Variants in MAX observed in about 807,000 individuals in gnomAD.
MAX encodes the protein MYC associated transcriptional regulator X.
MAX carries 3 observed loss-of-function variants against 22.3 expected under a neutral mutation model. That is an observed-to-expected ratio of 0.13 (90% CI 0.06 to 0.35). The LOEUF (loss-of-function observed/expected upper bound fraction) is 0.35, where lower values mean the gene tolerates loss of function less well. Among genes scored for constraint, MAX ranks in the 10% least tolerant of loss-of-function variants. The pLI is 1.00. For synonymous variants in MAX, 72 were observed against 77.7 expected (o/e 0.93, Z 0.39); for missense variants, 119 against 209.4 (o/e 0.57, Z 2.66).
At chr14:65,102,195 G>C (rs1047636053) in intron 1 of MAX, 109 bp downstream of exon 1, 12 of 1,558,352 alleles carry the variant, frequency 7.7e-6, no homozygotes, top group Non-Finnish European at 7.8e-6. Context: ...AGGGGAAGGG[G>C]AAGGAGGCGG....
chr14:65,094,901 A>G (rs1010297885), intron 2 of MAX, among the ~76,000 whole-genome samples: 2 of 152,252 alleles, frequency 1.3e-5, no homozygotes, highest in African/African-American at 4.8e-5. Context: ...CACTGAGCTA[A>G]TCTAGAGAGC....
At chr14:65,037,262 C>T (rs910791372) in intron 3 of MAX, among the ~76,000 whole-genome samples, 6 of 151,124 alleles carry the variant, frequency 4.0e-5, no homozygotes, top group Non-Finnish European at 7.4e-5. Context: ...CACGACCACG[C>T]CCAGCTAATT....
rs1328795021 is a variant in MAX, at chr14:65,049,953, A to T, written c.172-43669T>A. On this transcript the variant is annotated intron_variant, in intron 3 of 3. Transcript: ENST00000341653. Reference sequence around the variant, plus strand: ...AAATCGTGAAGGAAAAATCAATAGTATGATTACAATATTAAGTATAAAACA... The same window carrying T: ...AAATCGTGAAGGAAAAATCAATAGTTTGATTACAATATTAAGTATAAAACA... Among the ~76,000 whole-genome samples the T allele has an allele frequency of 2.6e-5, 4 of 152,272 alleles. No individual in the cohort carries two copies. In the East Asian group the frequency reaches 7.7e-4, roughly 29 times the overall value.
chr14:65,061,454 C>T, intron 3 of MAX: 2 of 1,356,008 alleles, frequency 1.5e-6, no homozygotes, highest in African/African-American at 2.9e-5. Flanking sequence ...TCTTGTCAAA[C>T]AAAACCAATG....
At chr14:65,037,452 G>A (rs1342761063) in intron 3 of MAX, among the ~76,000 whole-genome samples, 14 of 25,654 alleles carry the variant, frequency 5.5e-4, no homozygotes, top group Admixed American at 2.2e-3. Flanking sequence ...TTTTTGAGAC[G>A]TCTCTTTTTG....
intron 3 of MAX, among the ~76,000 whole-genome samples, chr14:65,008,302 AG>A (rs1317672333): frequency 6.6e-6 from 1 of 152,136 alleles, no homozygotes; most frequent in Admixed American, 6.5e-5. Context: ...GGGGGGAGGA[AG>A]TGGCTTTGCT....
intron 3 of MAX, chr14:65,061,068 A>G (rs2062856328): frequency 2.0e-6 from 3 of 1,510,830 alleles, no homozygotes; most frequent in Non-Finnish European, 2.7e-6. Flanking sequence ...CTTTGTGTGT[A>G]TCTCTGATTC....
At chr14:65,024,925 TTTTG>T (rs368764031) in intron 3 of MAX, among the ~76,000 whole-genome samples, 89 of 152,302 alleles carry the variant, frequency 5.8e-4, no homozygotes, top group African/African-American at 1.9e-3. Flanking sequence ...GGCTCCTTTT[TTTTG>T]TTTGTTTGTT....
intron 3 of MAX, among the ~76,000 whole-genome samples, chr14:65,067,075 A>G (rs1175702129): frequency 1.3e-5 from 2 of 151,588 alleles, no homozygotes; most frequent in South Asian, 2.1e-4. Flanking sequence ...GCTCACAGCT[A>G]CTTGGGAGGC....
intron 2 of MAX, among the ~76,000 whole-genome samples, chr14:65,101,126 C>T (rs1310556269): frequency 2.0e-5 from 3 of 152,202 alleles, no homozygotes; most frequent in African/African-American, 7.2e-5. Context: ...AAGGCGATTA[C>T]CGCATGTGGC....
intron 3 of MAX, chr14:65,015,513 G>T: frequency 3.3e-6 from 3 of 917,132 alleles, no homozygotes; most frequent in Non-Finnish European, 4.9e-6. Context: ...TTGAGCAAGG[G>T]TGCCCTCCTC....
chr14:65,029,150 C>T lies in MAX; in HGVS notation c.172-22866G>A, dbSNP rs1450443743. On this transcript the variant is annotated intron_variant, in intron 3 of 3. Coordinates refer to the MAX transcript ENST00000341653. This position sits in a 1 kb window ranked among gnomAD's most constrained non-coding sequence, Gnocchi z 4.7. Reference sequence around the variant, plus strand: ...CCTTTGCTCTTTGGGTGATGCTCTGCCATTCGTGCCCGTGCTTTCTATTTA... The same window carrying T: ...CCTTTGCTCTTTGGGTGATGCTCTGTCATTCGTGCCCGTGCTTTCTATTTA... Among the ~76,000 whole-genome samples, 1 of 152,138 alleles carries T rather than the reference C, an allele frequency of 6.6e-6. No individual in the cohort carries two copies. The highest frequency in any genetic ancestry group is 1.5e-5 in the Non-Finnish European group (1 of 68,040).
rs942217300 is a variant in MAX at position 65,028,859 on chromosome 14, T to C, written c.172-22575A>G. ...TACATTTTCGTTCCTGTTCTGTTGCTATTCCCCCAAAATATGCACAGTCTT... is the reference window on the plus strand; with the variant it reads ...TACATTTTCGTTCCTGTTCTGTTGCCATTCCCCCAAAATATGCACAGTCTT... On this transcript the variant is annotated intron_variant, in intron 3 of 3. Coordinates refer to the MAX transcript ENST00000341653. The surrounding 1 kb of genome is among the most constrained non-coding windows in gnomAD (Gnocchi z 4.4). Among the ~76,000 whole-genome samples the C allele has an allele frequency of 3.3e-5, 5 of 152,222 alleles. No homozygotes were observed. Among genetic ancestry groups the C allele is most frequent in the Admixed American group, 1.3e-4 (2 of 15,274 alleles).
intron 3 of MAX, among the ~76,000 whole-genome samples, chr14:65,048,241 A>G (rs529431835): frequency 2.6e-5 from 4 of 151,834 alleles, no homozygotes; most frequent in African/African-American, 9.7e-5. Flanking sequence ...CCTTGGCCAC[A>G]CAAAGTGCTG....
Position 65,084,336 on chromosome 14 carries a change from C to A in MAX, c.172-6300G>T. 2 of 1,219,242 alleles carry A rather than the reference C, an allele frequency of 1.6e-6. No homozygotes were observed. Among genetic ancestry groups the A allele is most frequent in the Non-Finnish European group, 2.4e-6 (2 of 823,038 alleles). The allele number at this position is 1,219,242 out of a possible 1,614,324, so 75.5% of individuals were successfully genotyped here. On this transcript the variant is annotated intron_variant, in intron 3 of 4. Coordinates refer to ENST00000358664, the MANE Select transcript of MAX (RefSeq NM_002382.5). This position sits in a 1 kb window ranked among gnomAD's most constrained non-coding sequence, Gnocchi z 4.3. ...ACATGTGGAAAAGCAATTAATTTCA[C>A]AAGTAATAAATAGAATACAAAATTA...
At chr14:65,013,441 C>T (rs114107120) in intron 3 of MAX, among the ~76,000 whole-genome samples, 2,983 of 152,152 alleles carry the variant, frequency 0.02, 63 homozygotes, top group African/African-American at 0.047. Context: ...TAGATTTGGC[C>T]TGTGGGCTAT....
At chr14:65,063,282 C>G (rs751432183) in intron 3 of MAX, among the ~76,000 whole-genome samples, 7 of 152,196 alleles carry the variant, frequency 4.6e-5, no homozygotes, top group Non-Finnish European at 8.8e-5. Flanking sequence ...GCATCCTTTC[C>G]ATCACTATAA....
chr14:65,071,228 G>A (rs1226238539), downstream of MAX, among the ~76,000 whole-genome samples: 2 of 151,870 alleles, frequency 1.3e-5, no homozygotes, highest in Non-Finnish European at 2.9e-5. This position sits in a 1 kb window ranked among gnomAD's most constrained non-coding sequence, Gnocchi z 4.2. Flanking sequence ...TGCAACCTCT[G>A]CCTCCTGGGT....
In MAX at chr14:65,076,544, C is replaced by A; in HGVS notation, c.415G>T (p.Asp139Tyr). The A allele has an allele frequency of 6.2e-7, 1 of 1,614,068 alleles. No homozygotes were observed. The highest frequency in any genetic ancestry group is 1.1e-5 in the South Asian group (1 of 91,068). ...STISAFDGGSDSSSESEPEEP... is the reference protein window; with the variant it reads ...STISAFDGGSYSSSESEPEEP... ...TCAGGCTCAGACTCCGAGCTGGAGT[C>A]CGAGCCCCCATCGAAGGCAGAGATG... Residue 139 changes from aspartate to tyrosine, a missense_variant, in exon 5 of 5, where the codon GAC (aspartate) becomes TAC (tyrosine). Coordinates refer to ENST00000358664, the MANE Select transcript of MAX (RefSeq NM_002382.5). This position sits in a 1 kb window ranked among gnomAD's most constrained non-coding sequence, Gnocchi z 6.6.
Sources: allele counts gnomAD v4.1 joint callset (sites outside exome capture counted in the v4.1 genomes callset), GRCh38; gene constraint gnomAD v4.1.1; non-coding constraint Gnocchi (gnomAD v3.1); transcripts MANE v1.5; gene names NCBI Gene and HGNC (gene_info 2026-07-23, HGNC 2026-07-21).